Variants in BTBD9 observed in about 807,000 individuals in gnomAD.
The protein encoded by BTBD9 is BTB domain containing 9, also known as BTB/POZ domain-containing protein 9.
BTBD9 carries 49 observed loss-of-function variants against 64.3 expected under a neutral mutation model. The ratio of observed to expected loss-of-function variants is 0.76; its 90% CI spans 0.61 to 0.97. The LOEUF is 0.97. Among genes scored for constraint, BTBD9 ranks in the 50% least tolerant of loss-of-function variants. The probability of loss-of-function intolerance (pLI) is 0.00; values close to 1 mark genes in which losing one functional copy is unlikely to be tolerated. For synonymous variants in BTBD9, 260 were observed against 274.7 expected, an observed-to-expected ratio of 0.95 and a Z score of 0.53; for missense variants, 598 against 762.1, an observed-to-expected ratio of 0.78 and a Z score of 2.53.
intron 7 of BTBD9, among the ~76,000 whole-genome samples, chr6:38,340,903 A>G (rs1372316911): frequency 6.6e-6 from 1 of 152,202 alleles, no homozygotes; most frequent in Non-Finnish European, 1.5e-5. Flanking sequence ...CATTATTACC[A>G]AAAAATAATA....
chr6:38,498,449 T>C lies in BTBD9; in HGVS notation c.1154+79151A>G, dbSNP rs1158321531. ...ATTTGTATGGTTCTATCTTTTTCTA[T>C]CTAGTACTAAAAAAAAAAAAAAAAA... On this transcript the variant is annotated intron_variant, in intron 6 of 10. Coordinates refer to ENST00000481247, the MANE Select transcript of BTBD9 (RefSeq NM_001099272.2). Among the ~76,000 whole-genome samples the C allele has an allele frequency of 2.7e-5, 3 of 110,066 alleles. No individual in the cohort carries two copies. In the East Asian group the frequency reaches 7.0e-4, roughly 26 times the overall value. 72.2% of individuals were successfully genotyped at this position (110,066 alleles called of 152,430 possible).
chr6:38,368,510 T>C (rs543185258), intron 6 of BTBD9, among the ~76,000 whole-genome samples: 26 of 152,174 alleles, frequency 1.7e-4, no homozygotes, highest in Admixed American at 1.6e-3. Context: ...AATTTTTGTA[T>C]TATTAATAGA....
intron 6 of BTBD9, among the ~76,000 whole-genome samples, chr6:38,546,527 C>T (rs1774561197): frequency 6.6e-6 from 1 of 152,198 alleles, no homozygotes; most frequent in African/African-American, 2.4e-5. Context: ...AGGTCTGCAG[C>T]AACTCCATTT....
intron 1 of BTBD9, among the ~76,000 whole-genome samples, chr6:38,637,170 A>G (rs1778555771): frequency 6.6e-6 from 1 of 152,166 alleles, no homozygotes; most frequent in South Asian, 2.1e-4. Context: ...TCCAAAAGTG[A>G]TTAATTTGTC....
chr6:38,515,629 T>C (rs937464772), intron 6 of BTBD9, among the ~76,000 whole-genome samples: 1 of 152,162 alleles, frequency 6.6e-6, no homozygotes, highest in Non-Finnish European at 1.5e-5. Flanking sequence ...CTCCTACAAC[T>C]AAAAGATAAT....
intron 7 of BTBD9, among the ~76,000 whole-genome samples, chr6:38,295,254 TC>T (rs1762116223): frequency 6.6e-6 from 1 of 152,136 alleles, no homozygotes; most frequent in Admixed American, 6.6e-5. Flanking sequence ...AGCCTTGGAC[TC>T]CCAGGCTCAA....
At chr6:38,531,748 ATTAG>A (rs1244546569) in intron 6 of BTBD9, among the ~76,000 whole-genome samples, 1 of 152,238 alleles carries the variant, frequency 6.6e-6, no homozygotes, top group African/African-American at 2.4e-5. Context: ...ATGTTTGTGT[ATTAG>A]TTTGTTTATG....
At chr6:38,511,888 G>A (rs1355001807) in intron 6 of BTBD9, among the ~76,000 whole-genome samples, 1 of 152,162 alleles carries the variant, frequency 6.6e-6, no homozygotes, top group African/African-American at 2.4e-5. Flanking sequence ...GTAGAGGAAA[G>A]GGAAATGAAA....
chr6:38,360,425 T>C lies in BTBD9; in HGVS notation c.1155-15332A>G, dbSNP rs76023474. 6.6e-3 allele frequency among the ~76,000 whole-genome samples: 1,002 copies of C among 152,238 alleles called. 12 individuals are homozygous for C. The highest frequency in any genetic ancestry group is 0.023 in the African/African-American group (969 of 41,532). ...TTTAGGCACTAGATATGAAAAAATA[T>C]ATGAACAAGTCAATCTCTAAAAAAG... On this transcript the variant is annotated intron_variant, in intron 6 of 10. Transcript: ENST00000481247.
At chr6:38,264,194 A>G (rs1243338266) in intron 8 of BTBD9, among the ~76,000 whole-genome samples, 3 of 152,188 alleles carry the variant, frequency 2.0e-5, no homozygotes, top group African/African-American at 7.2e-5. Flanking sequence ...AGTGTAGTTT[A>G]TAACTCTCCT....
At chr6:38,204,024 G>A (rs1360497793) in intron 9 of BTBD9, among the ~76,000 whole-genome samples, 1 of 151,904 alleles carries the variant, frequency 6.6e-6, no homozygotes, top group Non-Finnish European at 1.5e-5. Context: ...CCATAAATAT[G>A]TAAAACACTA....
intron 7 of BTBD9, among the ~76,000 whole-genome samples, chr6:38,335,587 AG>A (rs1763861350): frequency 6.6e-6 from 1 of 150,774 alleles, no homozygotes; most frequent in East Asian, 2.0e-4. Context: ...TTTTTTTGAG[AG>A]GGAGTCTTGC....
intron 6 of BTBD9, among the ~76,000 whole-genome samples, chr6:38,511,506 CTAAT>C (rs755394037): frequency 1.1e-4 from 17 of 151,956 alleles, no homozygotes; most frequent in Middle Eastern, 6.8e-3. Flanking sequence ...CCACGCCTGG[CTAAT>C]TATTTTATTT....
chr6:38,339,262 A>G (rs529283424), intron 7 of BTBD9, among the ~76,000 whole-genome samples: 1 of 152,338 alleles, frequency 6.6e-6, no homozygotes, highest in African/African-American at 2.4e-5. Flanking sequence ...AAACGATGGT[A>G]TATCTATACT....
intron 6 of BTBD9, among the ~76,000 whole-genome samples, chr6:38,522,389 T>C (rs1773311233): frequency 7.3e-6 from 1 of 136,968 alleles, no homozygotes; most frequent in African/African-American, 2.6e-5. Flanking sequence ...AAACTTCACT[T>C]AATAAGATTA....
intron 6 of BTBD9, among the ~76,000 whole-genome samples, chr6:38,515,100 T>C (rs1772957594): frequency 6.6e-6 from 1 of 152,194 alleles, no homozygotes; most frequent in African/African-American, 2.4e-5. Flanking sequence ...AAAAAGGTAA[T>C]TTTCCAGTTT....
intron 6 of BTBD9, among the ~76,000 whole-genome samples, chr6:38,547,543 T>C (rs1429498448): frequency 1.3e-5 from 2 of 152,214 alleles, no homozygotes; most frequent in African/African-American, 2.4e-5. Context: ...TCTATCCTTG[T>C]TTACTTGCTC....
rs1562095388 is a variant in BTBD9 at position 38,374,300 on chromosome 6, T to TATATATAC, written c.1155-29208_1155-29207insGTATATAT. The stretch of plus-strand genomic sequence containing the variant: ...AAAAAAAAGTATATATATATATGTA[T>TATATATAC]ATATATGTATATATATATATATATA... On this transcript the variant is annotated intron_variant, in intron 6 of 10. Transcript: ENST00000481247. 1.2e-3 allele frequency among the ~76,000 whole-genome samples: 100 copies of TATATATAC among 86,554 alleles called. 12 individuals are homozygous for TATATATAC. The highest frequency in any genetic ancestry group is 1.8e-3 in the Non-Finnish European group (90 of 49,152). The allele number at this position is 86,554 out of a possible 152,430, so 56.8% of individuals were successfully genotyped here.
chr6:38,333,646 T>C (rs183647385), intron 7 of BTBD9, among the ~76,000 whole-genome samples: 1 of 152,238 alleles, frequency 6.6e-6, no homozygotes, highest in East Asian at 1.9e-4. Flanking sequence ...AATAAGTGCC[T>C]GTTTTCCCTT....
Sources: gnomAD v4.1 joint callset for allele counts (sites outside exome capture counted in the v4.1 genomes callset) on GRCh38, gnomAD v4.1.1 for gene constraint, MANE v1.5 for transcripts, NCBI Gene and HGNC (gene_info 2026-07-23, HGNC 2026-07-21) for gene names.